The following GRIK2 variants were observed in gnomAD, a reference collection of about 807,000 sequenced individuals.
GRIK2 encodes the protein glutamate ionotropic receptor kainate type subunit 2.
Under a neutral mutation model 100.3 loss-of-function variants are expected in GRIK2, and 32 were observed. The ratio of observed to expected loss-of-function variants is 0.32; its 90% CI spans 0.24 to 0.43. The LOEUF (loss-of-function observed/expected upper bound fraction) is 0.43, where lower values mean the gene tolerates loss of function less well. Among genes scored for constraint, GRIK2 ranks in the 20% least tolerant of loss-of-function variants. The pLI is 1.00. For missense variants in GRIK2, 843 were observed against 1,114.9 expected (o/e 0.76, Z 3.47); for synonymous variants, 417 against 389.4 (o/e 1.07, Z -0.83).
rs1423074957 is a variant in GRIK2, at chr6:101,547,325, T to TA, written c.116-74624_116-74623insA. On this transcript the variant is annotated intron_variant, in intron 2 of 16. Transcript: ENST00000369134. Reference sequence around the variant, plus strand: ...TATTAGCAGTTTCTTTTTTTTGGATTTTTTTTATTATACTTTAAGTTTTAG... The same window carrying TA: ...TATTAGCAGTTTCTTTTTTTTGGATTATTTTTTATTATACTTTAAGTTTTAG... Among the ~76,000 whole-genome samples, 746 of 152,014 alleles carry TA rather than the reference T, an allele frequency of 4.9e-3. 11 individuals carry two copies. The highest frequency in any genetic ancestry group is 0.017 in the African/African-American group (717 of 41,446).
chr6:101,421,113 A>C (rs1452552510), intron 2 of GRIK2, among the ~76,000 whole-genome samples: 1 of 152,168 alleles, frequency 6.6e-6, no homozygotes, highest in East Asian at 1.9e-4. Context: ...GGAAGAGTAC[A>C]CTAAGTCCAC....
intron 2 of GRIK2, among the ~76,000 whole-genome samples, chr6:101,427,747 A>T (rs1248567063): frequency 6.6e-6 from 1 of 152,210 alleles, no homozygotes; most frequent in East Asian, 1.9e-4. Flanking sequence ...TGAATTGGTC[A>T]TTCAGTCAGC....
chr6:101,626,124 G>C (rs930732773), intron 3 of GRIK2, among the ~76,000 whole-genome samples: 1 of 152,070 alleles, frequency 6.6e-6, no homozygotes, highest in African/African-American at 2.4e-5. Flanking sequence ...CTCTCTCCTT[G>C]CCTGTCTCCC....
At chr6:101,654,039 G>T (rs1239979414) in intron 4 of GRIK2, among the ~76,000 whole-genome samples, 2 of 152,252 alleles carry the variant, frequency 1.3e-5, no homozygotes, top group East Asian at 3.9e-4. Flanking sequence ...AAACTGTGAG[G>T]TCTCTATCAT....
intron 9 of GRIK2, among the ~76,000 whole-genome samples, chr6:101,807,463 C>T (rs1781075364): frequency 6.6e-6 from 1 of 151,862 alleles, no homozygotes; most frequent in Non-Finnish European, 1.5e-5. Flanking sequence ...CAAATGAGAA[C>T]AAGTGGAAGT....
chr6:101,899,322 C>T (rs1460572543), intron 12 of GRIK2, among the ~76,000 whole-genome samples: 1 of 151,792 alleles, frequency 6.6e-6, no homozygotes, highest in Admixed American at 6.6e-5. Context: ...AGTTATCTCT[C>T]TAAGAAACTT....
chr6:101,492,615 G>A (rs1272051816), intron 2 of GRIK2, among the ~76,000 whole-genome samples: 1 of 151,840 alleles, frequency 6.6e-6, no homozygotes, highest in African/African-American at 2.4e-5. Context: ...AGCACAAGAT[G>A]TTCTGGGATA....
chr6:101,932,581 G>GTTTT (rs1165058995), intron 14 of GRIK2, among the ~76,000 whole-genome samples: 1,499 of 144,386 alleles, frequency 0.01, 25 homozygotes, highest in African/African-American at 0.036. Context: ...ATTCTTTGAA[G>GTTTT]TTTTTTTTTT....
intron 10 of GRIK2, among the ~76,000 whole-genome samples, chr6:101,833,691 TATTA>T (rs72071304): frequency 0.12 from 18,650 of 152,004 alleles, 2,125 homozygotes; most frequent in East Asian, 0.65. Context: ...ATGATTAATA[TATTA>T]ATTAATTTTT....
chr6:101,416,511 A>G (rs1435802592), intron 2 of GRIK2, among the ~76,000 whole-genome samples: 1 of 152,146 alleles, frequency 6.6e-6, no homozygotes, highest in African/African-American at 2.4e-5. Flanking sequence ...TGCTAATCAC[A>G]TTGTCATCTC....
At chr6:101,949,491 T>C (rs2791810) in intron 14 of GRIK2, among the ~76,000 whole-genome samples, 2,978 of 152,220 alleles carry the variant, frequency 0.02, 105 homozygotes, top group African/African-American at 0.069. Flanking sequence ...GTATTTCTCC[T>C]AATGCTATCC....
intron 7 of GRIK2, among the ~76,000 whole-genome samples, chr6:101,707,437 T>C (rs1773377871): frequency 6.8e-6 from 1 of 147,326 alleles, no homozygotes; most frequent in Non-Finnish European, 1.5e-5. Flanking sequence ...TTCTTTTATA[T>C]ACATTATCAC....
intron 4 of GRIK2, 102 bp from the exon 5 acceptor site, chr6:101,676,521 A>G (rs1770852927): frequency 4.4e-6 from 3 of 678,788 alleles, no homozygotes; most frequent in East Asian, 6.0e-5. Flanking sequence ...TTAAAATGAA[A>G]TAAGAAGAAA....
At chr6:101,720,585 A>C (rs1774410279) in intron 7 of GRIK2, among the ~76,000 whole-genome samples, 1 of 152,036 alleles carries the variant, frequency 6.6e-6, no homozygotes, top group Non-Finnish European at 1.5e-5. Context: ...TTATTTACTA[A>C]CATCATTTTC....
chr6:102,021,265 T>C (rs1241248913), intron 14 of GRIK2, among the ~76,000 whole-genome samples: 1 of 151,688 alleles, frequency 6.6e-6, no homozygotes, highest in East Asian at 1.9e-4. Flanking sequence ...AGTAAATAAA[T>C]CTTTGTTTTT....
rs933074735 is a variant in GRIK2, at chr6:101,792,554, G to A, written c.952-7094G>A. On this transcript the variant is annotated intron_variant, in intron 7 of 16. Coordinates refer to ENST00000369134, the MANE Select transcript of GRIK2 (RefSeq NM_021956.5). The stretch of plus-strand genomic sequence containing the variant: ...ATTGGCCCCCACTCTCTTCTGGCTT[G>A]TAGAGTTTCTGCCGAGAGATCCGCT... Among the ~76,000 whole-genome samples the A allele has an allele frequency of 4.3e-4, 66 of 151,998 alleles. 1 individual carries two copies. Among genetic ancestry groups the A allele is most frequent in the Non-Finnish European group, 4.3e-4 (29 of 68,020 alleles).
At chr6:102,056,663 A>AT (rs1771475804) in intron 16 of GRIK2, among the ~76,000 whole-genome samples, 2 of 152,014 alleles carry the variant, frequency 1.3e-5, no homozygotes, top group Admixed American at 1.3e-4. Context: ...CCAGGTAAAT[A>AT]TTTTTTCTAA....
chr6:101,436,002 C>T (rs978760589), intron 2 of GRIK2, among the ~76,000 whole-genome samples: 5 of 151,962 alleles, frequency 3.3e-5, no homozygotes, highest in Admixed American at 6.6e-5. Context: ...TTCAAATGTG[C>T]GCATATATAT....
intron 7 of GRIK2, among the ~76,000 whole-genome samples, chr6:101,790,419 G>C (rs925935092): frequency 6.6e-6 from 1 of 152,002 alleles, no homozygotes; most frequent in Non-Finnish European, 1.5e-5. Context: ...AGCATGAAGG[G>C]TTGTTGAATT....
Sources: gnomAD v4.1 joint callset for allele counts (sites outside exome capture counted in the v4.1 genomes callset) on GRCh38, gnomAD v4.1.1 for gene constraint, MANE v1.5 for transcripts, NCBI Gene and HGNC (gene_info 2026-07-23, HGNC 2026-07-21) for gene names.